Variants in RPRD2 observed in about 807,000 individuals in gnomAD.
RPRD2 encodes the protein regulation of nuclear pre-mRNA domain containing 2, also known as regulation of nuclear pre-mRNA domain-containing protein 2.
RPRD2 carries 12 observed loss-of-function variants against 104.4 expected under a neutral mutation model. That is an observed-to-expected ratio of 0.11 (90% CI 0.07 to 0.19). The LOEUF (loss-of-function observed/expected upper bound fraction) is 0.19. Ranked by LOEUF, RPRD2 falls within the 10% of genes least tolerant of loss-of-function variation. The pLI, the probability that RPRD2 is intolerant of heterozygous loss-of-function variation, is 1.00. For missense variants in RPRD2, 1,543 were observed against 1,790.1 expected (o/e 0.86, Z 2.49); for synonymous variants, 714 against 684.9 (o/e 1.04, Z -0.66).
intron 2 of RPRD2, among the ~76,000 whole-genome samples, chr1:150,430,397 GTGGT>G (rs1553891395): frequency 1.5e-3 from 233 of 152,266 alleles, no homozygotes; most frequent in Admixed American, 4.0e-3. Flanking sequence ...AAGGCCAGCC[GTGGT>G]GGCTCACACC....
chr1:150,365,580 A>G (rs1215202053), intron 1 of RPRD2, among the ~76,000 whole-genome samples: 1 of 152,092 alleles, frequency 6.6e-6, no homozygotes, highest in African/African-American at 2.4e-5. Context: ...TTCAAATATA[A>G]AGCGTGTCCA....
At chr1:150,420,719 G>A (rs1366251634) in intron 2 of RPRD2, among the ~76,000 whole-genome samples, 3 of 152,232 alleles carry the variant, frequency 2.0e-5, no homozygotes, top group East Asian at 1.9e-4. Flanking sequence ...CCAGCTACTC[G>A]GGAGGCTGAG....
chr1:150,390,760 ATAAGT>A (rs1662004238), intron 1 of RPRD2, among the ~76,000 whole-genome samples: 1 of 152,200 alleles, frequency 6.6e-6, no homozygotes, highest in South Asian at 2.1e-4. Context: ...ATGTTAAGAA[ATAAGT>A]TAAAAGGAAG....
Position 150,471,162 on chromosome 1 carries a change from G to T in RPRD2, c.2214G>T (p.Met738Ile), listed in dbSNP as rs1213973558. 6.2e-7 allele frequency: 1 copy of T among 1,613,772 alleles called. No homozygotes were observed. Among genetic ancestry groups the T allele is most frequent in the Non-Finnish European group, 8.5e-7 (1 of 1,179,870 alleles). ...GTGGGACACCCACCCAGGATGAGAT[G>T]ATGGACAAGCCCACATCCAGCAGTG... ...ERSGTPTQDE[M>I]MDKPTSSSVD... The change falls in exon 11 of 11, where the codon ATG becomes ATT. Residue 738 changes from methionine (M) to isoleucine (I), a missense_variant. Physicochemically the swap from Met to Ile is conservative, Grantham distance 10. Transcript: ENST00000369068. The surrounding 1 kb of genome is among the most constrained non-coding windows in gnomAD (Gnocchi z 5.3).
At chr1:150,367,306 G>C (rs1287542511) in intron 1 of RPRD2, among the ~76,000 whole-genome samples, 1 of 152,126 alleles carries the variant, frequency 6.6e-6, no homozygotes, top group African/African-American at 2.4e-5. Context: ...GTTTATGCAT[G>C]GGCCTTGTTT....
At chr1:150,448,581 T>A (rs1198840633) in intron 7 of RPRD2, among the ~76,000 whole-genome samples, 1 of 152,230 alleles carries the variant, frequency 6.6e-6, no homozygotes, top group African/African-American at 2.4e-5. Context: ...TTCAAAAAGC[T>A]TACATTATAA....
intron 1 of RPRD2, among the ~76,000 whole-genome samples, chr1:150,384,639 TTGTGTGTGTGTGTGTGTGTGTGTG>T (rs71086504): frequency 7.5e-6 from 1 of 133,352 alleles, no homozygotes; most frequent in African/African-American, 2.8e-5. Context: ...CCTGGCTAAT[TTGTGTGTGTGTGTGTGTGTGTGTG>T]TGTGTGTGTG....
intron 1 of RPRD2, among the ~76,000 whole-genome samples, chr1:150,381,788 G>A (rs941586022): frequency 6.6e-6 from 1 of 152,070 alleles, no homozygotes; most frequent in Non-Finnish European, 1.5e-5. Flanking sequence ...ACAGACGTGA[G>A]CCACCGCGCC....
chr1:150,456,259 A>G (rs1434341884), intron 7 of RPRD2, among the ~76,000 whole-genome samples: 2 of 152,040 alleles, frequency 1.3e-5, no homozygotes, highest in African/African-American at 4.8e-5. Context: ...TAGGCTCTCA[A>G]TAAATATTGG....
At chr1:150,421,413 G>T (rs980784417) in intron 2 of RPRD2, among the ~76,000 whole-genome samples, 76 of 152,042 alleles carry the variant, frequency 5.0e-4, no homozygotes, top group African/African-American at 1.8e-3. Context: ...GAAAAGATTT[G>T]GTATTGTTAA....
In RPRD2 at chr1:150,452,604, A is replaced by G. The variant is rs150613577; in HGVS notation, c.871-4684A>G. 2.1e-3 allele frequency among the ~76,000 whole-genome samples: 320 copies of G among 149,690 alleles called. 6 individuals carry two copies. Among genetic ancestry groups the G allele is most frequent in the Admixed American group, 0.021 (308 of 15,004 alleles). On this transcript the variant is annotated intron_variant, in intron 7 of 10. Coordinates refer to ENST00000369068, the MANE Select transcript of RPRD2 (RefSeq NM_015203.5). ...ACTACTAATATTTACTTTGATGCTC[A>G]GTTTGACAAAGTTTTGGTCAATGTG...
At chr1:150,445,970 A>C (rs370052908) in intron 6 of RPRD2, among the ~76,000 whole-genome samples, 19 of 151,732 alleles carry the variant, frequency 1.3e-4, no homozygotes, top group Admixed American at 5.3e-4. Context: ...CGGGAGGCTG[A>C]GGCAGGAGAG....
intron 2 of RPRD2, among the ~76,000 whole-genome samples, chr1:150,439,867 T>C (rs188835831): frequency 0.016 from 2,468 of 150,592 alleles, 54 homozygotes; most frequent in African/African-American, 0.056. Context: ...CCTTCCTGCA[T>C]TGTTTTTTAT....
In RPRD2 at chr1:150,472,533, C is replaced by A. The variant is rs1229631454; in HGVS notation, c.3585C>A (p.Pro1195=). The change falls in exon 11 of 11, where the codon CCC becomes CCA. Residue 1195 remains proline (P), a synonymous_variant. Coordinates refer to ENST00000369068, the MANE Select transcript of RPRD2 (RefSeq NM_015203.5). The stretch of plus-strand genomic sequence containing the variant: ...ACTCAACATTTGAGCATCATCTTCC[C>A]CCATCCCCCTTGGAACATGGGACAC... ...SFNSTFEHHL[P]PSPLEHGTPF... is the part of the protein sequence containing the mutation. 6.2e-7 allele frequency: 1 copy of A among 1,613,996 alleles called. No individual in the cohort carries two copies.
chr1:150,391,026 C>G (rs1216043692), intron 1 of RPRD2, among the ~76,000 whole-genome samples: 1 of 152,086 alleles, frequency 6.6e-6, no homozygotes, highest in Non-Finnish European at 1.5e-5. Context: ...GGTATTCTAT[C>G]CTCAGTATAC....
At position 150,472,720 on chromosome 1, in the gene RPRD2, C is replaced by T. The variant is rs778987141; in HGVS notation, c.3772C>T (p.Pro1258Ser). 6.2e-7 allele frequency: 1 copy of T among 1,613,730 alleles called. No homozygotes were observed. The highest frequency in any genetic ancestry group is 1.7e-4 in the Middle Eastern group (1 of 6,058). ...AALAHAAPPP[P>S]PGEHSGIPFP... ...CCTGGCCCATGCTGCCCCACCCCCTCCTCCTGGAGAGCACAGTGGAATTCC... is the reference window on the plus strand; with the variant it reads ...CCTGGCCCATGCTGCCCCACCCCCTTCTCCTGGAGAGCACAGTGGAATTCC... Residue 1258 changes from proline (P) to serine (S), a missense_variant, in exon 11 of 11, where the codon CCT (proline) becomes TCT (serine). Around this residue, in one of 4 missense-constraint regions of RPRD2, gnomAD observed 880 missense variants for 885.6 expected, o/e 0.99. Coordinates refer to ENST00000369068, the MANE Select transcript of RPRD2 (RefSeq NM_015203.5).
intron 7 of RPRD2, among the ~76,000 whole-genome samples, chr1:150,455,736 G>A (rs1188839256): frequency 6.6e-6 from 1 of 151,926 alleles, no homozygotes; most frequent in Admixed American, 6.6e-5. Flanking sequence ...TAAGATGTTA[G>A]TAATAGGAAA....
chr1:150,373,790 C>T (rs1412693679), intron 1 of RPRD2, among the ~76,000 whole-genome samples: 1 of 151,836 alleles, frequency 6.6e-6, no homozygotes, highest in Non-Finnish European at 1.5e-5. Flanking sequence ...CATAGCGTGT[C>T]TAGTATATGG....
chr1:150,443,781 G>A (rs1207607267), intron 5 of RPRD2, among the ~76,000 whole-genome samples: 2 of 151,916 alleles, frequency 1.3e-5, no homozygotes, highest in Non-Finnish European at 2.9e-5. Context: ...CGAGGTGGGC[G>A]GATCACGAGG....
Sources: allele counts gnomAD v4.1 joint callset (sites outside exome capture counted in the v4.1 genomes callset), GRCh38; gene constraint gnomAD v4.1.1; regional missense constraint gnomAD v4.1.1; non-coding constraint Gnocchi (gnomAD v3.1); transcripts MANE v1.5; gene names NCBI Gene and HGNC (gene_info 2026-07-23, HGNC 2026-07-21).